The following REL variants were observed in gnomAD, a reference collection of about 807,000 sequenced individuals.
REL encodes the protein REL proto-oncogene, NF-kB subunit, also known as proto-oncogene c-Rel.
Under a neutral mutation model 45.9 loss-of-function variants are expected in REL, and 15 were observed. That is an observed-to-expected ratio of 0.33 (90% CI 0.22 to 0.50). REL has a LOEUF of 0.50. Ranked by LOEUF, REL falls within the 20% of genes least tolerant of loss-of-function variation. REL has a pLI of 0.98. For synonymous variants in REL, 239 were observed against 242.1 expected, an observed-to-expected ratio of 0.99 and a Z score of 0.12; for missense variants, 601 against 715.2, an observed-to-expected ratio of 0.84 and a Z score of 1.82.
chr2:60,922,656 A>G lies in REL; in HGVS notation c.*121A>G. ...TGTATATATAATACTGACTGAGAATATAATACTGTATTTGAGAATATAAAA... is the reference window on the plus strand; with the variant it reads ...TGTATATATAATACTGACTGAGAATGTAATACTGTATTTGAGAATATAAAA... On this transcript the variant is annotated 3_prime_UTR_variant, in exon 10 of 10. Transcript: ENST00000394479. The G allele has an allele frequency of 7.5e-7, 1 of 1,342,122 alleles. No homozygotes were observed. Among genetic ancestry groups the G allele is most frequent in the Non-Finnish European group, 9.6e-7 (1 of 1,044,468 alleles). The allele number at this position is 1,342,122 out of a possible 1,614,324, so 83.1% of individuals were successfully genotyped here. A position where few individuals can be genotyped will look rare whatever the true frequency, so the allele number is the denominator to read the frequency against.
intron 3 of REL, among the ~76,000 whole-genome samples, chr2:60,896,937 T>G (rs556076943): frequency 2.6e-4 from 40 of 152,350 alleles, no homozygotes; most frequent in Non-Finnish European, 4.1e-4. Flanking sequence ...ACATGAATAA[T>G]ATTTTCATGT....
In REL at chr2:60,923,428, A is replaced by C. The variant is rs576810298; in HGVS notation, c.*893A>C. ...TCCTTGGACCATTCGCCTTTCTTAGATGTCCTCACTCCCTGTGATCTCATA... is the reference window on the plus strand; with the variant it reads ...TCCTTGGACCATTCGCCTTTCTTAGCTGTCCTCACTCCCTGTGATCTCATA... On this transcript the variant is annotated 3_prime_UTR_variant, in exon 10 of 10. Transcript: ENST00000394479. 1.3e-5 allele frequency: 3 copies of C among 231,946 alleles called. No individual in the cohort carries two copies. Among genetic ancestry groups the C allele is most frequent in the Non-Finnish European group, 2.6e-5 (3 of 117,228 alleles). 14.4% of individuals were successfully genotyped at this position (231,946 alleles called of 1,614,324 possible). A position where few individuals can be genotyped will look rare whatever the true frequency, so the allele number is the denominator to read the frequency against.
chr2:60,910,850 T>C (rs999876913), intron 4 of REL, among the ~76,000 whole-genome samples: 1 of 152,154 alleles, frequency 6.6e-6, no homozygotes, highest in African/African-American at 2.4e-5. Flanking sequence ...TAGAATCTCT[T>C]GAACCCTGGA....
chr2:60,927,094 A>G lies in REL; in HGVS notation c.*4559A>G, dbSNP rs1674284661. The G allele has an allele frequency of 2.6e-5, 6 of 227,234 alleles. No homozygotes were observed. In the East Asian group the frequency reaches 3.2e-4, roughly 12 times the overall value. 14.1% of individuals were successfully genotyped at this position (227,234 alleles called of 1,614,324 possible). On this transcript the variant is annotated 3_prime_UTR_variant, in exon 10 of 10. Coordinates refer to ENST00000394479, the MANE Select transcript of REL (RefSeq NM_001291746.2). ...CCTTACTTGAGGTGAAGCTTTGTAC[A>G]TGCCTGTATTACGGACATCCTCTTA...
rs775287894 is a variant in REL at position 60,920,490 on chromosome 2, C to G, written c.923-84C>G. On this transcript the variant is annotated intron_variant, in intron 8 of 9. Coordinates refer to ENST00000394479, the MANE Select transcript of REL (RefSeq NM_001291746.2). ...TGCTGGGATTACAGGTGGGAGCCAC[C>G]ACGCCCGGCCAGTTTTTCAGATTTT... 1.2e-5 allele frequency: 13 copies of G among 1,053,562 alleles called. 1 individual carries two copies. The South Asian group carries it at 1.7e-4, about 14-fold the overall frequency. 65.3% of individuals were successfully genotyped at this position (1,053,562 alleles called of 1,614,324 possible).
intron 4 of REL, among the ~76,000 whole-genome samples, chr2:60,912,948 G>T (rs187026178): frequency 1.2e-4 from 19 of 152,050 alleles, no homozygotes; most frequent in African/African-American, 4.6e-4. Flanking sequence ...GCTGAAGATG[G>T]ATTAAAGGCT....
At chr2:60,894,350 T>C in intron 2 of REL, 47 bp from the exon 3 acceptor site, 1 of 1,158,208 alleles carries the variant, frequency 8.6e-7, no homozygotes, top group Non-Finnish European at 1.2e-6. Context: ...GATCAGTTTA[T>C]AATGCAGTCT....
Position 60,922,554 on chromosome 2 carries a change from T to G in REL, c.*19T>G. ...AGTATAACTTGCAAGATTTAAATCC[T>G]TTTAAATCTTGATACCACCTATATA... On this transcript the variant is annotated 3_prime_UTR_variant, in exon 10 of 10. Transcript: ENST00000394479. 1.3e-6 allele frequency: 2 copies of G among 1,564,874 alleles called. No individual in the cohort carries two copies. The highest frequency in any genetic ancestry group is 1.7e-6 in the Non-Finnish European group (2 of 1,155,826).
At chr2:60,905,319 C>T (rs1445206051) in intron 4 of REL, among the ~76,000 whole-genome samples, 1 of 152,138 alleles carries the variant, frequency 6.6e-6, no homozygotes, top group African/African-American at 2.4e-5. Flanking sequence ...TGGTCTCAAT[C>T]TCCTGACCTT....
Position 60,920,032 on chromosome 2 carries a change from TC to T in REL, c.854-8del, listed in dbSNP as rs1674094894. The T allele has an allele frequency of 3.1e-6, 5 of 1,589,450 alleles. No individual in the cohort carries two copies. The highest frequency in any genetic ancestry group is 1.4e-5 in the African/African-American group (1 of 73,786). On this transcript the variant is annotated splice_region_variant and splice_polypyrimidine_tract_variant and intron_variant, in intron 7 of 9. Transcript: ENST00000394479. Reference sequence around the variant, plus strand: ...TTTTTATCTGCTTTCCTGGTTTCTTTCTAATCAGATACTTACGGCAATAAAG... The same window carrying T: ...TTTTTATCTGCTTTCCTGGTTTCTTTTAATCAGATACTTACGGCAATAAAG...
intron 4 of REL, among the ~76,000 whole-genome samples, chr2:60,908,801 A>G (rs1673728429): frequency 6.6e-6 from 1 of 152,220 alleles, no homozygotes; most frequent in Non-Finnish European, 1.5e-5. Context: ...CATGTAGAGA[A>G]TCTTGAGTTG....
chr2:60,882,516 A>T (rs1273630535), intron 1 of REL, among the ~76,000 whole-genome samples: 1 of 152,058 alleles, frequency 6.6e-6, no homozygotes, highest in Non-Finnish European at 1.5e-5. Flanking sequence ...CTCTACTAAA[A>T]ATACAAAAAT....
intron 4 of REL, among the ~76,000 whole-genome samples, chr2:60,903,226 G>T: frequency 6.6e-6 from 1 of 152,210 alleles, no homozygotes; most frequent in Non-Finnish European, 1.5e-5. Flanking sequence ...TCTGCTTTAT[G>T]GAAGAGAATG....
At chr2:60,887,930 GTTTGT>G (rs1034252934) in intron 1 of REL, among the ~76,000 whole-genome samples, 1 of 149,460 alleles carries the variant, frequency 6.7e-6, no homozygotes, top group Non-Finnish European at 1.5e-5. Context: ...TTTGTGTTTT[GTTTGT>G]TTTTTTTTTT....
At chr2:60,913,968 A>G (rs1306257358) in intron 4 of REL, among the ~76,000 whole-genome samples, 1 of 152,226 alleles carries the variant, frequency 6.6e-6, no homozygotes, top group African/African-American at 2.4e-5. Context: ...TTCTTCAGTC[A>G]TTTATGTTAA....
intron 8 of REL, chr2:60,920,345 CA>C: frequency 1.6e-6 from 1 of 616,096 alleles, no homozygotes; most frequent in Non-Finnish European, 2.9e-6. Context: ...AGATTACAGG[CA>C]TGTGCCACCA....
Position 60,925,285 on chromosome 2 carries a change from A to G in REL, c.*2750A>G, listed in dbSNP as rs1674242671. On this transcript the variant is annotated 3_prime_UTR_variant, in exon 10 of 10. Coordinates refer to ENST00000394479, the MANE Select transcript of REL (RefSeq NM_001291746.2). ...TAAACTAGTCGTTTCGGTCAAATAG[A>G]AAAATGTGTGAATGCCATAAAAACA... 5.1e-6 allele frequency: 1 copy of G among 194,968 alleles called. No homozygotes were observed. The highest frequency in any genetic ancestry group is 2.3e-5 in the African/African-American group (1 of 43,282). 12.1% of individuals were successfully genotyped at this position (194,968 alleles called of 1,614,324 possible).
rs1364180111 is a variant in REL at position 60,927,224 on chromosome 2, G to A, written c.*4689G>A. 4.4e-6 allele frequency: 1 copy of A among 228,080 alleles called. No individual in the cohort carries two copies. 14.1% of individuals were successfully genotyped at this position (228,080 alleles called of 1,614,324 possible). ...AGTAGCTATTATTAGAAAAGGAAGG[G>A]TGAAATTGACATGGGAGTTAGTAAA... is the stretch of plus-strand genomic sequence containing the variant. On this transcript the variant is annotated 3_prime_UTR_variant, in exon 10 of 10. Transcript: ENST00000394479.
chr2:60,918,726 G>T, intron 7 of REL, 120 bp downstream of exon 7: 2 of 719,920 alleles, frequency 2.8e-6, no homozygotes, highest in Non-Finnish European at 4.6e-6. Context: ...TTCTTTTCCT[G>T]GAAGCTTTCT....
Sources: allele counts gnomAD v4.1 joint callset (sites outside exome capture counted in the v4.1 genomes callset), GRCh38; gene constraint gnomAD v4.1.1; transcripts MANE v1.5; gene names NCBI Gene and HGNC (gene_info 2026-07-23, HGNC 2026-07-21).